DENND1A: variants seen among roughly 807,000 people sequenced by gnomAD.
The protein encoded by DENND1A is DENN domain containing 1A.
Under a neutral mutation model 113.7 loss-of-function variants are expected in DENND1A, and 51 were observed. The observed-to-expected ratio is 0.45, with a 90% CI of 0.36 to 0.57. The LOEUF is 0.57. Ranked by LOEUF, DENND1A falls within the 20% of genes least tolerant of loss-of-function variation. The pLI is 0.00. For missense variants in DENND1A, 1,258 were observed against 1,395.9 expected (o/e 0.90, Z 1.57); for synonymous variants, 565 against 570.8 (o/e 0.99, Z 0.14).
intron 2 of DENND1A, among the ~76,000 whole-genome samples, chr9:123,811,587 G>A (rs534974203): frequency 8.5e-5 from 13 of 152,104 alleles, no homozygotes; most frequent in South Asian, 2.1e-4. Context: ...GTGAAACCCC[G>A]TCTCTACTAA....
intron 3 of DENND1A, among the ~76,000 whole-genome samples, chr9:123,776,546 T>C (rs1830505872): frequency 6.6e-6 from 1 of 152,256 alleles, no homozygotes; most frequent in South Asian, 2.1e-4. Flanking sequence ...GTACTTCTGA[T>C]AACATTTTCT....
At chr9:123,421,326 G>A (rs796339727) in intron 19 of DENND1A, among the ~76,000 whole-genome samples, 2 of 152,006 alleles carry the variant, frequency 1.3e-5, no homozygotes, top group African/African-American at 4.8e-5. Flanking sequence ...CCCAGGCCCG[G>A]CCTGACAGCT....
chr9:123,671,426 T>C, intron 6 of DENND1A, 55 bp from the exon 7 acceptor site: 2 of 1,570,962 alleles, frequency 1.3e-6, no homozygotes, highest in South Asian at 2.2e-5. Context: ...CTTAGTAAGA[T>C]ACCTGCAGGG....
chr9:123,658,721 T>A (rs1011374621), intron 8 of DENND1A, among the ~76,000 whole-genome samples: 2 of 152,350 alleles, frequency 1.3e-5, no homozygotes, highest in East Asian at 3.9e-4. Context: ...ATTCAGTCAT[T>A]CGTTCAGTCA....
intron 19 of DENND1A, among the ~76,000 whole-genome samples, chr9:123,425,336 G>A (rs955824937): frequency 2.6e-5 from 4 of 152,248 alleles, no homozygotes; most frequent in Admixed American, 6.5e-5. Context: ...AATGCCGTTT[G>A]TAGGCTCTGG....
intron 9 of DENND1A, among the ~76,000 whole-genome samples, chr9:123,644,760 A>G (rs184137028): frequency 6.6e-6 from 1 of 152,310 alleles, no homozygotes; most frequent in Admixed American, 6.5e-5. Flanking sequence ...ACCTATATTC[A>G]TGGCCACCTC....
At chr9:123,815,313 C>T (rs947963496) in intron 2 of DENND1A, among the ~76,000 whole-genome samples, 5 of 152,314 alleles carry the variant, frequency 3.3e-5, no homozygotes, top group East Asian at 1.9e-4. Context: ...GACCAGCAGA[C>T]GAAATATTCC....
intron 13 of DENND1A, chr9:123,461,948 A>T (rs2133078656): frequency 6.6e-6 from 1 of 152,430 alleles, no homozygotes; most frequent in African/African-American, 2.4e-5. Context: ...AAGTGTCCAC[A>T]GGAGTCCAAA....
intron 10 of DENND1A, among the ~76,000 whole-genome samples, chr9:123,623,847 C>T (rs1227932486): frequency 6.6e-6 from 1 of 152,178 alleles, no homozygotes; most frequent in Non-Finnish European, 1.5e-5. Flanking sequence ...ACCTGTGATA[C>T]CAACAGCAGG....
chr9:123,620,454 T>A (rs920661016), intron 10 of DENND1A, among the ~76,000 whole-genome samples: 3 of 152,042 alleles, frequency 2.0e-5, no homozygotes, highest in African/African-American at 7.3e-5. Context: ...TGGCAATGAC[T>A]TAGCAAAAGA....
intron 13 of DENND1A, among the ~76,000 whole-genome samples, chr9:123,502,514 A>G (rs1301912743): frequency 6.6e-6 from 1 of 152,150 alleles, no homozygotes; most frequent in Non-Finnish European, 1.5e-5. Flanking sequence ...TCTTTTGCCT[A>G]TGTTTGAATC....
intron 10 of DENND1A, among the ~76,000 whole-genome samples, chr9:123,610,733 A>G (rs2060381604): frequency 6.6e-6 from 1 of 152,182 alleles, no homozygotes. Context: ...GGTAGAGTAG[A>G]GGTGGATGGA....
chr9:123,668,648 C>CT (rs995267916), intron 7 of DENND1A, among the ~76,000 whole-genome samples: 2 of 151,948 alleles, frequency 1.3e-5, no homozygotes, highest in Non-Finnish European at 2.9e-5. Context: ...TATACCTGTG[C>CT]TTTTTATGGC....
At chr9:123,508,227 C>CT (rs1166901134) in intron 13 of DENND1A, among the ~76,000 whole-genome samples, 2 of 152,192 alleles carry the variant, frequency 1.3e-5, no homozygotes, top group African/African-American at 4.8e-5. Flanking sequence ...ACATTTTTAA[C>CT]TTTCGTTTTT....
At chr9:123,589,304 T>C (rs1173490404) in intron 11 of DENND1A, among the ~76,000 whole-genome samples, 1 of 152,140 alleles carries the variant, frequency 6.6e-6, no homozygotes, top group Non-Finnish European at 1.5e-5. Context: ...GATGCATTCC[T>C]AGAAGTGGAA....
At chr9:123,631,972 G>A (rs1054279352) in intron 9 of DENND1A, among the ~76,000 whole-genome samples, 5 of 152,102 alleles carry the variant, frequency 3.3e-5, no homozygotes, top group African/African-American at 1.2e-4. Flanking sequence ...TGTTTCTTTG[G>A]TTTCAGGGAA....
chr9:123,758,404 A>G (rs979039088), intron 4 of DENND1A, among the ~76,000 whole-genome samples: 2 of 152,240 alleles, frequency 1.3e-5, no homozygotes, highest in African/African-American at 4.8e-5. Context: ...TGGAATTTAG[A>G]GGATGTTCCC....
chr9:123,705,122 G>A (rs1363293632), intron 5 of DENND1A, among the ~76,000 whole-genome samples: 1 of 150,540 alleles, frequency 6.6e-6, no homozygotes, highest in Non-Finnish European at 1.5e-5. Flanking sequence ...AAGACAGCAA[G>A]AACAAATAAG....
intron 13 of DENND1A, among the ~76,000 whole-genome samples, chr9:123,468,191 C>T (rs1482530385): frequency 6.6e-6 from 1 of 152,162 alleles, no homozygotes; most frequent in Admixed American, 6.5e-5. Flanking sequence ...GGGGAAGTGA[C>T]TACACCTCTT....
Sources: gnomAD v4.1 joint callset for allele counts (sites outside exome capture counted in the v4.1 genomes callset) on GRCh38, gnomAD v4.1.1 for gene constraint, MANE v1.5 for transcripts, NCBI Gene and HGNC (gene_info 2026-07-23, HGNC 2026-07-21) for gene names.